Variants in MPHOSPH6 observed in about 807,000 individuals in gnomAD.
MPHOSPH6 encodes the protein M-phase phosphoprotein 6.
In MPHOSPH6, 25 loss-of-function variants were observed where a neutral mutation model predicts 21.8. That is an observed-to-expected ratio of 1.15 (90% CI 0.83 to 1.60). The LOEUF (loss-of-function observed/expected upper bound fraction) is 1.60. MPHOSPH6 is among the 40% of genes most tolerant of loss of function. The probability of loss-of-function intolerance (pLI) is 0.00; values close to 1 mark genes in which losing one functional copy is unlikely to be tolerated. For missense variants in MPHOSPH6, 269 were observed against 181.8 expected (o/e 1.48, Z -2.76); for synonymous variants, 84 against 56.5 (o/e 1.49, Z -2.18).
intron 4 of MPHOSPH6, 95 bp downstream of exon 4, chr16:82,149,214 G>T: frequency 7.6e-7 from 1 of 1,311,380 alleles, no homozygotes; most frequent in Non-Finnish European, 1.1e-6. Context: ...GGACTCCCTT[G>T]AAAGCTGCCG....
chr16:82,165,767 T>C (rs1906757416), intron 1 of MPHOSPH6, among the ~76,000 whole-genome samples: 1 of 26,816 alleles, frequency 3.7e-5, no homozygotes, highest in Non-Finnish European at 1.6e-4. Flanking sequence ...AGCCTAAGTG[T>C]GTGGTAGGCT....
At chr16:82,169,020 GAA>G (rs1160848349) in intron 1 of MPHOSPH6, among the ~76,000 whole-genome samples, 3 of 152,182 alleles carry the variant, frequency 2.0e-5, no homozygotes. Flanking sequence ...TTAGCTGTAA[GAA>G]GAGAGTTACT....
chr16:82,158,026 G>C (rs79797889), intron 2 of MPHOSPH6, among the ~76,000 whole-genome samples: 4,824 of 152,248 alleles, frequency 0.032, 110 homozygotes, highest in South Asian at 0.089. Flanking sequence ...AGTGATACCA[G>C]ACTACCCTGG....
At chr16:82,169,265 C>A (rs1482714698) in intron 1 of MPHOSPH6, among the ~76,000 whole-genome samples, 1 of 152,242 alleles carries the variant, frequency 6.6e-6, no homozygotes, top group Non-Finnish European at 1.5e-5. Flanking sequence ...TACTTGCCTT[C>A]CAGACATACT....
chr16:82,161,399 T>C lies in MPHOSPH6; in HGVS notation c.164+2683A>G, dbSNP rs115354008. 3.0e-3 allele frequency among the ~76,000 whole-genome samples: 464 copies of C among 152,240 alleles called. 2 individuals carry two copies. Among genetic ancestry groups the C allele is most frequent in the African/African-American group, 0.011 (441 of 41,536 alleles). On this transcript the variant is annotated intron_variant, in intron 2 of 4. Coordinates refer to ENST00000258169, the MANE Select transcript of MPHOSPH6 (RefSeq NM_005792.2). ...CTCCAAACAGACCACAAAACACAAGTATAAGATGTACAATAGCCAAAAATA... is the reference window on the plus strand; with the variant it reads ...CTCCAAACAGACCACAAAACACAAGCATAAGATGTACAATAGCCAAAAATA...
At chr16:82,169,486 T>G (rs2142423451) in intron 1 of MPHOSPH6, among the ~76,000 whole-genome samples, 1 of 152,340 alleles carries the variant, frequency 6.6e-6, no homozygotes, top group South Asian at 2.1e-4. Flanking sequence ...AGTACTTCTC[T>G]GGGTCTCCAG....
chr16:82,170,027 C>T, intron 1 of MPHOSPH6, 98 bp downstream of exon 1: 2 of 1,365,306 alleles, frequency 1.5e-6, no homozygotes, highest in Admixed American at 5.1e-5. Flanking sequence ...TCTGAGGCCT[C>T]TCTGGTGTCC....
intron 2 of MPHOSPH6, among the ~76,000 whole-genome samples, chr16:82,157,609 C>A (rs185563772): frequency 6.6e-6 from 1 of 152,276 alleles, no homozygotes; most frequent in East Asian, 1.9e-4. Flanking sequence ...TAAGTACATT[C>A]CACTGAATGC....
chr16:82,169,511 C>G (rs1906900799), intron 1 of MPHOSPH6, among the ~76,000 whole-genome samples: 1 of 152,216 alleles, frequency 6.6e-6, no homozygotes, highest in African/African-American at 2.4e-5. Flanking sequence ...CTGGCCCACC[C>G]TGCAGATTTT....
At chr16:82,161,834 G>C (rs1470598196) in intron 2 of MPHOSPH6, among the ~76,000 whole-genome samples, 1 of 152,182 alleles carries the variant, frequency 6.6e-6, no homozygotes, top group South Asian at 2.1e-4. Flanking sequence ...CTGGCTAAAA[G>C]TGTCCCCTGT....
intron 3 of MPHOSPH6, chr16:82,151,178 T>C (rs1184925204): frequency 3.6e-6 from 1 of 281,478 alleles, no homozygotes; most frequent in Non-Finnish European, 6.5e-6. Context: ...ACTTGAAATT[T>C]TAATATTTAT....
Position 82,153,723 on chromosome 16 carries a change from A to C in MPHOSPH6, c.165-2209T>G, listed in dbSNP as rs575479509. On this transcript the variant is annotated intron_variant, in intron 2 of 4. Coordinates refer to ENST00000258169, the MANE Select transcript of MPHOSPH6 (RefSeq NM_005792.2). The stretch of plus-strand genomic sequence containing the variant: ...AGTCTTTAGACTTAGGGAAAAAGTA[A>C]CTGCTGGAGAGATGATTTCTGGGAG... Among the ~76,000 whole-genome samples the C allele has an allele frequency of 5.3e-5, 8 of 152,336 alleles. No individual in the cohort carries two copies. In the South Asian group the frequency reaches 1.7e-3, roughly 32 times the overall value.
chr16:82,169,397 G>A (rs556174877), intron 1 of MPHOSPH6, among the ~76,000 whole-genome samples: 45 of 152,232 alleles, frequency 3.0e-4, no homozygotes, highest in South Asian at 1.9e-3. Context: ...GTAACCTAGA[G>A]ACTACCCTGC....
chr16:82,159,564 C>G (rs567403876), intron 2 of MPHOSPH6, among the ~76,000 whole-genome samples: 1 of 152,220 alleles, frequency 6.6e-6, no homozygotes, highest in African/African-American at 2.4e-5. Flanking sequence ...GCCATCATGC[C>G]TGGCTAATTT....
At chr16:82,162,689 C>T (rs1364607334) in intron 2 of MPHOSPH6, among the ~76,000 whole-genome samples, 1 of 152,230 alleles carries the variant, frequency 6.6e-6, no homozygotes, top group Non-Finnish European at 1.5e-5. Context: ...GCCCCACCCA[C>T]ACCTTGATAG....
chr16:82,154,345 A>C (rs528439720), intron 2 of MPHOSPH6, among the ~76,000 whole-genome samples: 5 of 152,354 alleles, frequency 3.3e-5, no homozygotes, highest in Admixed American at 2.6e-4. Context: ...TGCCTAATGA[A>C]ACAAAATTCA....
intron 1 of MPHOSPH6, among the ~76,000 whole-genome samples, chr16:82,169,098 T>A (rs1384033542): frequency 6.6e-6 from 1 of 152,242 alleles, no homozygotes; most frequent in Non-Finnish European, 1.5e-5. Context: ...ACCACTTCAA[T>A]CATTGTCTAG....
At chr16:82,165,653 A>C (rs1358001426) in intron 1 of MPHOSPH6, among the ~76,000 whole-genome samples, 1 of 109,456 alleles carries the variant, frequency 9.1e-6, no homozygotes. Flanking sequence ...ATATCTAGAT[A>C]TGTTTAGATA....
intron 2 of MPHOSPH6, among the ~76,000 whole-genome samples, chr16:82,152,139 T>G (rs555547358): frequency 1.3e-5 from 2 of 152,348 alleles, no homozygotes; most frequent in South Asian, 4.1e-4. Context: ...TTCCAGTCTT[T>G]TTTGTACTTG....
Sources: gnomAD v4.1 joint callset for allele counts (sites outside exome capture counted in the v4.1 genomes callset) on GRCh38, gnomAD v4.1.1 for gene constraint, MANE v1.5 for transcripts, NCBI Gene and HGNC (gene_info 2026-07-23, HGNC 2026-07-21) for gene names.